APBA1: variants seen among roughly 807,000 people sequenced by gnomAD.
The protein encoded by APBA1 is amyloid beta precursor protein binding family A member 1.
In APBA1, 55 loss-of-function variants were observed where a neutral mutation model predicts 86.6. The observed-to-expected ratio is 0.64, with a 90% CI of 0.51 to 0.80. The LOEUF is 0.80. Among genes scored for constraint, APBA1 ranks in the 30% least tolerant of loss-of-function variants. The pLI is 0.00. For synonymous variants in APBA1, 511 were observed against 493.9 expected (o/e 1.03, Z -0.46); for missense variants, 1,090 against 1,183.0 (o/e 0.92, Z 1.15).
At chr9:69,448,349 C>T (rs1335134294) in intron 10 of APBA1, among the ~76,000 whole-genome samples, 1 of 152,264 alleles carries the variant, frequency 6.6e-6, no homozygotes, top group African/African-American at 2.4e-5. Flanking sequence ...CCCAATTAAA[C>T]CTTTCTGAAT....
rs192076208 is a variant in APBA1 at position 69,600,490 on chromosome 9, C to T, written c.-70+71663G>A. Among the ~76,000 whole-genome samples, 530 of 152,178 alleles carry T rather than the reference C, an allele frequency of 3.5e-3. 1 individual carries two copies. Among genetic ancestry groups the T allele is most frequent in the Non-Finnish European group, 5.6e-3 (381 of 68,016 alleles). ...CTTATCAGCTATGTGTAACTTTAGG[C>T]GAGTCTCTTCGTTTTTAAAATAGGG... On this transcript the variant is annotated intron_variant, in intron 1 of 12. Coordinates refer to ENST00000265381, the MANE Select transcript of APBA1 (RefSeq NM_001163.4).
At chr9:69,659,780 A>G (rs1823715168) in intron 1 of APBA1, among the ~76,000 whole-genome samples, 1 of 152,240 alleles carries the variant, frequency 6.6e-6, no homozygotes, top group Admixed American at 6.5e-5. Flanking sequence ...AGCAGTAACA[A>G]TTTATGTCAA....
intron 1 of APBA1, among the ~76,000 whole-genome samples, chr9:69,593,107 T>C (rs1426486341): frequency 2.6e-5 from 4 of 152,246 alleles, no homozygotes; most frequent in Admixed American, 6.5e-5. Context: ...CTATACCTCA[T>C]TCTATCATAT....
intron 2 of APBA1, among the ~76,000 whole-genome samples, chr9:69,486,498 G>A (rs1835611973): frequency 6.6e-6 from 1 of 152,090 alleles, no homozygotes; most frequent in Non-Finnish European, 1.5e-5. Flanking sequence ...AGGCAGATAT[G>A]GAAAAGCAGG....
At chr9:69,473,952 T>C (rs1835404802) in intron 3 of APBA1, among the ~76,000 whole-genome samples, 2 of 152,230 alleles carry the variant, frequency 1.3e-5, no homozygotes, top group Non-Finnish European at 2.9e-5. Context: ...CCAAGTCTTG[T>C]AGGAACTGAG....
At chr9:69,565,400 C>T (rs1399061483) in intron 1 of APBA1, among the ~76,000 whole-genome samples, 2 of 152,046 alleles carry the variant, frequency 1.3e-5, no homozygotes, top group South Asian at 2.1e-4. Flanking sequence ...CCTTAAATGC[C>T]AGCAGTCTCC....
intron 2 of APBA1, among the ~76,000 whole-genome samples, chr9:69,505,347 C>T (rs1835941823): frequency 6.6e-6 from 1 of 152,052 alleles, no homozygotes; most frequent in Non-Finnish European, 1.5e-5. Context: ...GCTCACGTTT[C>T]CCTGGCCACG....
Position 69,560,115 on chromosome 9 carries a change from C to T in APBA1, c.-69-42836G>A, listed in dbSNP as rs76041964. Among the ~76,000 whole-genome samples the T allele has an allele frequency of 9.3e-4, 142 of 152,306 alleles. 7 individuals carry two copies. The East Asian group carries it at 0.026, about 28-fold the overall frequency. Reference sequence around the variant, plus strand: ...TAGTCACATCAACTGCCCCTGCATGCGTGGACATTAACACAAGGGACTCTC... The same window carrying T: ...TAGTCACATCAACTGCCCCTGCATGTGTGGACATTAACACAAGGGACTCTC... On this transcript the variant is annotated intron_variant, in intron 1 of 12. Transcript: ENST00000265381.
At chr9:69,473,675 T>C (rs1835398994) in intron 3 of APBA1, among the ~76,000 whole-genome samples, 1 of 152,076 alleles carries the variant, frequency 6.6e-6, no homozygotes. Context: ...ACCCTAAAAC[T>C]TGAAGTATAA....
chr9:69,603,779 A>G (rs911199093), intron 1 of APBA1, among the ~76,000 whole-genome samples: 5 of 152,248 alleles, frequency 3.3e-5, no homozygotes, highest in African/African-American at 1.2e-4. Context: ...GAAAGCAGGC[A>G]TCATTAACAA....
chr9:69,574,086 T>A (rs1821730559), intron 1 of APBA1, among the ~76,000 whole-genome samples: 1 of 152,230 alleles, frequency 6.6e-6, no homozygotes, highest in Non-Finnish European at 1.5e-5. Flanking sequence ...TATTTATGTA[T>A]CTTCAGATAA....
intron 1 of APBA1, among the ~76,000 whole-genome samples, chr9:69,609,596 A>T (rs1250472684): frequency 2.0e-5 from 3 of 152,072 alleles, no homozygotes; most frequent in Admixed American, 1.3e-4. Flanking sequence ...TTTAGAGTCC[A>T]CCTCTCTGCT....
chr9:69,665,770 A>G (rs1055201102), intron 1 of APBA1, among the ~76,000 whole-genome samples: 5 of 152,226 alleles, frequency 3.3e-5, no homozygotes, highest in African/African-American at 1.2e-4. Flanking sequence ...ATCACTACCC[A>G]GACAGAATCA....
intron 1 of APBA1, among the ~76,000 whole-genome samples, chr9:69,652,581 C>T (rs1823527947): frequency 6.6e-6 from 1 of 152,184 alleles, no homozygotes; most frequent in Non-Finnish European, 1.5e-5. Flanking sequence ...TGCAAAACAA[C>T]CAGAAAATAA....
At chr9:69,445,829 G>A (rs1834898114) in intron 10 of APBA1, among the ~76,000 whole-genome samples, 1 of 152,146 alleles carries the variant, frequency 6.6e-6, no homozygotes, top group Non-Finnish European at 1.5e-5. Flanking sequence ...GATGCAGAAT[G>A]CACACTTTGG....
intron 1 of APBA1, among the ~76,000 whole-genome samples, chr9:69,627,393 TC>T (rs1308648629): frequency 1.3e-5 from 2 of 152,054 alleles, no homozygotes; most frequent in Non-Finnish European, 2.9e-5. Context: ...GAATATATCC[TC>T]CCCCAGCTGG....
At chr9:69,476,181 G>T (rs374373668) in intron 2 of APBA1, 38 bp from the exon 3 acceptor site, 2 of 1,500,444 alleles carry the variant, frequency 1.3e-6, no homozygotes, top group East Asian at 4.5e-5. Context: ...GAGAACTTGA[G>T]AGACTCGGCA....
chr9:69,433,195 C>T (rs371044972), intron 11 of APBA1, among the ~76,000 whole-genome samples: 3 of 152,168 alleles, frequency 2.0e-5, no homozygotes, highest in African/African-American at 7.2e-5. Context: ...CCCAATTCAG[C>T]GGCCCCTGTT....
intron 2 of APBA1, among the ~76,000 whole-genome samples, chr9:69,485,609 A>G (rs1425166433): frequency 6.6e-6 from 1 of 152,120 alleles, no homozygotes; most frequent in African/African-American, 2.4e-5. Context: ...GGTAGGATGC[A>G]AATGCAGGGT....
Sources: gnomAD v4.1 joint callset for allele counts (sites outside exome capture counted in the v4.1 genomes callset) on GRCh38, gnomAD v4.1.1 for gene constraint, MANE v1.5 for transcripts, NCBI Gene and HGNC (gene_info 2026-07-23, HGNC 2026-07-21) for gene names.